ZNF385D: variants seen among roughly 807,000 people sequenced by gnomAD.
The protein encoded by ZNF385D is zinc finger protein 385D, also known as zinc finger protein 659.
In ZNF385D, 15 loss-of-function variants were observed where a neutral mutation model predicts 35.8. The ratio of observed to expected loss-of-function variants is 0.42; its 90% confidence interval spans 0.28 to 0.64. ZNF385D has a LOEUF of 0.64. ZNF385D is among the 30% of genes least tolerant of loss of function. The probability of loss-of-function intolerance (pLI) is 0.23; values close to 1 mark genes in which losing one functional copy is unlikely to be tolerated. For synonymous variants in ZNF385D, 212 were observed against 186.8 expected (o/e 1.13, Z -1.10); for missense variants, 474 against 494.6 (o/e 0.96, Z 0.39).
intron 2 of ZNF385D, among the ~76,000 whole-genome samples, chr3:22,183,356 A>G (rs567563128): frequency 2.6e-5 from 4 of 152,110 alleles, no homozygotes; most frequent in Admixed American, 6.6e-5. Flanking sequence ...TTATTTACTT[A>G]TTTTTTTAAT....
intron 2 of ZNF385D, among the ~76,000 whole-genome samples, chr3:22,249,657 T>C (rs912087717): frequency 6.6e-6 from 1 of 152,172 alleles, no homozygotes; most frequent in Non-Finnish European, 1.5e-5. Flanking sequence ...TATAGATAAG[T>C]CCACAGATAA....
chr3:21,811,564 G>A (rs187261820), intron 3 of ZNF385D, among the ~76,000 whole-genome samples: 1 of 152,306 alleles, frequency 6.6e-6, no homozygotes. Flanking sequence ...GAGCTCAGAT[G>A]TATTTGGAGG....
chr3:21,919,363 C>T (rs867474299), intron 3 of ZNF385D, among the ~76,000 whole-genome samples: 1 of 152,152 alleles, frequency 6.6e-6, no homozygotes, highest in Non-Finnish European at 1.5e-5. Flanking sequence ...AAGCTGCCTG[C>T]CTTTCTAGGA....
intron 2 of ZNF385D, among the ~76,000 whole-genome samples, chr3:22,310,922 T>C (rs1703504363): frequency 6.6e-6 from 1 of 151,950 alleles, no homozygotes. Flanking sequence ...TTTCAGTGTT[T>C]AATTTTGTTT....
intron 2 of ZNF385D, among the ~76,000 whole-genome samples, chr3:22,268,889 G>C (rs1445691174): frequency 1.3e-5 from 2 of 151,878 alleles, no homozygotes; most frequent in African/African-American, 4.8e-5. Flanking sequence ...TAGTGGGGGT[G>C]GGGGAGAATG....
chr3:21,731,228 G>A (rs910988117), intron 1 of ZNF385D, among the ~76,000 whole-genome samples: 1 of 152,116 alleles, frequency 6.6e-6, no homozygotes, highest in African/African-American at 2.4e-5. Flanking sequence ...TTAAGTGAAG[G>A]ACTAGATATA....
intron 2 of ZNF385D, among the ~76,000 whole-genome samples, chr3:22,255,637 T>TA (rs1470740259): frequency 1.3e-5 from 2 of 151,608 alleles, no homozygotes; most frequent in African/African-American, 2.4e-5. Flanking sequence ...TCTCAGCCTT[T>TA]AAAAAACATC....
At chr3:22,128,952 C>T (rs1576368134) in intron 3 of ZNF385D, among the ~76,000 whole-genome samples, 1 of 152,082 alleles carries the variant, frequency 6.6e-6, no homozygotes, top group Admixed American at 6.6e-5. Context: ...CTTGTCTATA[C>T]CTGTCCTACT....
chr3:21,770,633 T>C (rs1265172887), intron 3 of ZNF385D, among the ~76,000 whole-genome samples: 4 of 152,192 alleles, frequency 2.6e-5, no homozygotes, highest in African/African-American at 9.6e-5. Flanking sequence ...ACTTTTACAC[T>C]GTTGGTGGGA....
intron 2 of ZNF385D, among the ~76,000 whole-genome samples, chr3:21,633,317 C>T (rs1319085866): frequency 1.3e-5 from 2 of 151,662 alleles, no homozygotes; most frequent in Non-Finnish European, 1.5e-5. Context: ...TTGTGTATGT[C>T]AAAATGATGA....
At chr3:21,932,808 C>G (rs143782003) in intron 3 of ZNF385D, among the ~76,000 whole-genome samples, 1 of 152,194 alleles carries the variant, frequency 6.6e-6, no homozygotes, top group African/African-American at 2.4e-5. Flanking sequence ...AGCATAGAAA[C>G]ATTTTTACAA....
intron 3 of ZNF385D, among the ~76,000 whole-genome samples, chr3:22,039,319 T>A (rs530589645): frequency 1.3e-5 from 2 of 150,948 alleles, no homozygotes; most frequent in Non-Finnish European, 2.9e-5. Context: ...GATGGCATGC[T>A]ATTCCCAGAA....
intron 4 of ZNF385D, among the ~76,000 whole-genome samples, chr3:21,477,088 C>T (rs2125363964): frequency 6.6e-6 from 1 of 152,282 alleles, no homozygotes; most frequent in African/African-American, 2.4e-5. Context: ...GAGACTACGC[C>T]ACTCCAGTGG....
intron 3 of ZNF385D, among the ~76,000 whole-genome samples, chr3:21,797,352 G>C (rs1282603423): frequency 1.3e-5 from 2 of 152,182 alleles, no homozygotes; most frequent in East Asian, 3.8e-4. Flanking sequence ...ACATTGGCTA[G>C]GATGTGAAGC....
rs1400712476 is a variant in ZNF385D at position 21,415,012 on chromosome 3, ATGTGTGT to A, written c.*6195_*6201del. ...GGTCCTATACTGAAATTATATAACA[ATGTGTGT>A]TAAGTTGGGTTGACAAACGTCCAAT... is the stretch of plus-strand genomic sequence containing the variant. On this transcript the variant is annotated 3_prime_UTR_variant, in exon 8 of 8. Transcript: ENST00000281523. 1.3e-5 allele frequency: 2 copies of A among 152,080 alleles called. No individual in the cohort carries two copies. The highest frequency in any genetic ancestry group is 1.5e-5 in the Non-Finnish European group (1 of 67,984). 9.4% of individuals were successfully genotyped at this position (152,080 alleles called of 1,614,324 possible).
intron 3 of ZNF385D, among the ~76,000 whole-genome samples, chr3:21,949,069 G>A (rs555395013): frequency 6.6e-6 from 1 of 151,922 alleles, no homozygotes. Flanking sequence ...CATGTATTTA[G>A]TTACTAGTGA....
At chr3:22,038,859 A>T (rs1440354538) in intron 3 of ZNF385D, among the ~76,000 whole-genome samples, 1 of 150,940 alleles carries the variant, frequency 6.6e-6, no homozygotes, top group African/African-American at 2.4e-5. Flanking sequence ...GTCTATCATA[A>T]CAAAGATATA....
At chr3:21,864,924 A>C (rs2125835768) in intron 3 of ZNF385D, among the ~76,000 whole-genome samples, 1 of 151,472 alleles carries the variant, frequency 6.6e-6, no homozygotes. Context: ...GCTACTTACC[A>C]AATAGTCAAA....
intron 2 of ZNF385D, among the ~76,000 whole-genome samples, chr3:22,370,631 A>G (rs1032788642): frequency 6.6e-6 from 1 of 152,108 alleles, no homozygotes; most frequent in Non-Finnish European, 1.5e-5. Context: ...GGGGTTAACA[A>G]CCGACTTTGG....
Sources: allele counts gnomAD v4.1 joint callset (sites outside exome capture counted in the v4.1 genomes callset), GRCh38; gene constraint gnomAD v4.1.1; transcripts MANE v1.5; gene names NCBI Gene and HGNC (gene_info 2026-07-23, HGNC 2026-07-21).